Variants in RCL1 observed in about 807,000 individuals in gnomAD.
RCL1 encodes the protein RNA terminal phosphate cyclase like 1, also known as RNA 3'-terminal phosphate cyclase-like protein.
Under a neutral mutation model 42.4 loss-of-function variants are expected in RCL1, and 24 were observed. The observed-to-expected ratio is 0.57, with a 90% CI of 0.41 to 0.80. The LOEUF is 0.80. Among genes scored for constraint, RCL1 ranks in the 30% least tolerant of loss-of-function variants. RCL1 has a pLI of 0.00. For missense variants in RCL1, 578 were observed against 467.9 expected, an observed-to-expected ratio of 1.24 and a Z score of -2.17; for synonymous variants, 228 against 177.3, an observed-to-expected ratio of 1.29 and a Z score of -2.27.
At chr9:4,818,683 C>T (rs1241391947) in intron 1 of RCL1, among the ~76,000 whole-genome samples, 3 of 152,030 alleles carry the variant, frequency 2.0e-5, no homozygotes, top group Non-Finnish European at 4.4e-5. Context: ...GAGATCAAGA[C>T]CATCCTGTCC....
chr9:4,818,176 C>G (rs1816459988), intron 1 of RCL1, among the ~76,000 whole-genome samples: 1 of 152,100 alleles, frequency 6.6e-6, no homozygotes, highest in Non-Finnish European at 1.5e-5. Flanking sequence ...CCGCCTCGGC[C>G]TCCCATAGTG....
intron 6 of RCL1, among the ~76,000 whole-genome samples, chr9:4,842,230 G>T (rs1178153099): frequency 1.3e-5 from 2 of 152,140 alleles, no homozygotes; most frequent in Non-Finnish European, 2.9e-5. Context: ...TTAGAGTCTG[G>T]GGTTAACTGT....
intron 8 of RCL1, among the ~76,000 whole-genome samples, chr9:4,854,270 G>A (rs1282709358): frequency 6.6e-6 from 1 of 152,134 alleles, no homozygotes; most frequent in Admixed American, 6.5e-5. Flanking sequence ...ACTGAATGTA[G>A]TAATTTCATT....
In RCL1 at chr9:4,793,155, C is replaced by A; in HGVS notation, c.64C>A (p.Leu22Met). 1.2e-6 allele frequency: 2 copies of A among 1,612,280 alleles called. No homozygotes were observed. Among genetic ancestry groups the A allele is most frequent in the East Asian group, 2.2e-5 (1 of 44,782 alleles). ...CAACTTCTTGCGCCAACGTCTGGTCCTGTCTACCCTGAGCGGGCGCCCCGT... is the reference window on the plus strand; with the variant it reads ...CAACTTCTTGCGCCAACGTCTGGTCATGTCTACCCTGAGCGGGCGCCCCGT... ...GCNFLRQRLV[L>M]STLSGRPVKI... is the part of the protein sequence containing the mutation. The change falls in exon 1 of 9, where the codon CTG becomes ATG. Residue 22 changes from leucine to methionine, a missense_variant. Leu to Met is a conservative substitution (Grantham distance 15). Coordinates refer to ENST00000381750, the MANE Select transcript of RCL1 (RefSeq NM_005772.5).
intron 6 of RCL1, among the ~76,000 whole-genome samples, chr9:4,843,674 C>T (rs1188359792): frequency 6.6e-6 from 1 of 152,184 alleles, no homozygotes; most frequent in Non-Finnish European, 1.5e-5. Context: ...TTAGAAAACT[C>T]ACACAGATGG....
rs1816662850 is a variant in RCL1, at chr9:4,823,571, C to G, written c.160C>G (p.Leu54Val). 1.2e-6 allele frequency: 2 copies of G among 1,611,422 alleles called. No homozygotes were observed. Among genetic ancestry groups the G allele is most frequent in the Middle Eastern group, 1.7e-4 (1 of 6,050 alleles). Residue 54 changes from leucine (L) to valine (V), a missense_variant, in exon 2 of 9, where the codon CTA (leucine) becomes GTA (valine). Coordinates refer to ENST00000381750, the MANE Select transcript of RCL1 (RefSeq NM_005772.5). ...LRDFEASFIRLLDKITNGSRI... is the reference protein window; with the variant it reads ...LRDFEASFIRVLDKITNGSRI... ...AGATTTTGAAGCCAGCTTCATAAGG[C>G]TATTGGACAAAATAACGAATGGTTC... is the stretch of plus-strand genomic sequence containing the variant.
chr9:4,858,517 C>T (rs1298303994), intron 8 of RCL1, among the ~76,000 whole-genome samples: 4 of 152,126 alleles, frequency 2.6e-5, no homozygotes, highest in East Asian at 1.9e-4. Flanking sequence ...TGACTTTGAT[C>T]TCTTTTGGGT....
chr9:4,813,738 C>T (rs1400540152), intron 1 of RCL1, among the ~76,000 whole-genome samples: 1 of 152,120 alleles, frequency 6.6e-6, no homozygotes, highest in African/African-American at 2.4e-5. Context: ...CACACGCACA[C>T]GTATGTTTAT....
At chr9:4,839,748 G>T in intron 5 of RCL1, 1 of 974,388 alleles carries the variant, frequency 1.0e-6, no homozygotes, top group Non-Finnish European at 1.2e-6. Flanking sequence ...GTACAAAAGT[G>T]GTGTATTGGA....
At position 4,849,433 on chromosome 9, in the gene RCL1, A is replaced by C; in HGVS notation, c.868-14A>C. 2 of 1,601,764 alleles carry C rather than the reference A, an allele frequency of 1.2e-6. No individual in the cohort carries two copies. Among genetic ancestry groups the C allele is most frequent in the Non-Finnish European group, 1.7e-6 (2 of 1,169,410 alleles). On this transcript the variant is annotated splice_polypyrimidine_tract_variant and intron_variant, in intron 7 of 8. Coordinates refer to ENST00000381750, the MANE Select transcript of RCL1 (RefSeq NM_005772.5). ...CATTTTCTGGTTTGTACAATTATTA[A>C]TTTGTGTTTACAGGGTGGATGCGTA...
At chr9:4,845,546 T>C (rs1817483784) in intron 7 of RCL1, among the ~76,000 whole-genome samples, 1 of 152,226 alleles carries the variant, frequency 6.6e-6, no homozygotes, top group African/African-American at 2.4e-5. Flanking sequence ...TAAGATACAG[T>C]TTCCTAAAAG....
intron 1 of RCL1, among the ~76,000 whole-genome samples, chr9:4,798,902 G>T (rs1317562072): frequency 1.4e-5 from 2 of 144,304 alleles, no homozygotes; most frequent in Admixed American, 7.0e-5. Flanking sequence ...TTTTTTAAAG[G>T]CAAATGCCAA....
At chr9:4,819,414 TC>T (rs1563837657) in intron 1 of RCL1, among the ~76,000 whole-genome samples, 1 of 152,208 alleles carries the variant, frequency 6.6e-6, no homozygotes, top group East Asian at 1.9e-4. Flanking sequence ...GTTGTTTTTT[TC>T]CCCAGGCTTT....
At chr9:4,803,328 T>A (rs115582892) in intron 1 of RCL1, among the ~76,000 whole-genome samples, 1,752 of 152,306 alleles carry the variant, frequency 0.012, 34 homozygotes, top group African/African-American at 0.039. Context: ...TAACACACAT[T>A]TTCTGTATCT....
Position 4,829,471 on chromosome 9 carries a change from G to C in RCL1, c.384+2438G>C, listed in dbSNP as rs543943561. The stretch of plus-strand genomic sequence containing the variant: ...AAATTGCAGTAGGATAATGAGTGAT[G>C]CTTTTTATTTTGGTCTTGTTCCCTG... On this transcript the variant is annotated intron_variant, in intron 3 of 8. Transcript: ENST00000381750. 3.9e-5 allele frequency among the ~76,000 whole-genome samples: 6 copies of C among 152,328 alleles called. No homozygotes were observed. The South Asian group carries it at 1.2e-3, about 32-fold the overall frequency.
chr9:4,844,243 C>T (rs892219383), intron 6 of RCL1, among the ~76,000 whole-genome samples: 1 of 152,054 alleles, frequency 6.6e-6, no homozygotes, highest in Non-Finnish European at 1.5e-5. Flanking sequence ...CTGGGAAGGC[C>T]GCCACACCTT....
rs1055123055 is a variant in RCL1, at chr9:4,849,719, A to G, written c.971+169A>G. ...CTTAACCTGGTGTTTATTTTTACAT[A>G]CAAGGATTTTTGCATTTCTTTCCTT... On this transcript the variant is annotated intron_variant, in intron 8 of 8. Coordinates refer to ENST00000381750, the MANE Select transcript of RCL1 (RefSeq NM_005772.5). 1.9e-4 allele frequency among the ~76,000 whole-genome samples: 29 copies of G among 152,218 alleles called. 1 individual carries two copies. Among genetic ancestry groups the G allele is most frequent in the African/African-American group, 6.3e-4 (26 of 41,460 alleles).
chr9:4,797,353 C>G (rs982349454), intron 1 of RCL1, among the ~76,000 whole-genome samples: 7 of 152,184 alleles, frequency 4.6e-5, no homozygotes, highest in African/African-American at 1.4e-4. Context: ...GTTCCTGCTT[C>G]TATATGGAAA....
chr9:4,828,496 T>C (rs918846906), intron 3 of RCL1, among the ~76,000 whole-genome samples: 1 of 152,118 alleles, frequency 6.6e-6, no homozygotes, highest in East Asian at 1.9e-4. Flanking sequence ...TCTGAAATTC[T>C]TAAGCTGTAA....
Sources: gnomAD v4.1 joint callset for allele counts (sites outside exome capture counted in the v4.1 genomes callset) on GRCh38, gnomAD v4.1.1 for gene constraint, MANE v1.5 for transcripts, NCBI Gene and HGNC (gene_info 2026-07-23, HGNC 2026-07-21) for gene names.